CPLANE1: variants seen among roughly 807,000 people sequenced by gnomAD.
The protein encoded by CPLANE1 is ciliogenesis and planar polarity effector complex subunit 1.
CPLANE1 carries 263 observed loss-of-function variants against 362.5 expected under a neutral mutation model. The ratio of observed to expected loss-of-function variants is 0.73; its 90% CI spans 0.66 to 0.80. The LOEUF is 0.80. Ranked by LOEUF, CPLANE1 falls within the 30% of genes least tolerant of loss-of-function variation. The pLI, the probability that CPLANE1 is intolerant of heterozygous loss-of-function variation, is 0.00. For missense variants in CPLANE1, 3,461 were observed against 3,793.4 expected, an observed-to-expected ratio of 0.91 and a Z score of 2.30; for synonymous variants, 1,212 against 1,302.6, an observed-to-expected ratio of 0.93 and a Z score of 1.50.
intron 46 of CPLANE1, among the ~76,000 whole-genome samples, chr5:37,129,922 T>C (rs1447501759): frequency 1.3e-5 from 2 of 152,204 alleles, no homozygotes; most frequent in African/African-American, 4.8e-5. Context: ...GAAGTCATTA[T>C]ATGAAAAAGA....
At chr5:37,239,061 C>T (rs1799690199) in intron 7 of CPLANE1, 101 bp from the exon 8 acceptor site, 1 of 552,212 alleles carries the variant, frequency 1.8e-6, no homozygotes, top group South Asian at 4.3e-5. Context: ...TATTAATAAA[C>T]TATCTAGGGA....
At position 37,162,769 on chromosome 5, in the gene CPLANE1, TC is replaced by T. The variant is rs1294132678; in HGVS notation, c.7589-204del. On this transcript the variant is annotated intron_variant, in intron 37 of 52. Transcript: ENST00000651892. ...ATCTCGGCTTACTGCAACTTCCCCC[TC>T]CCGGGTTCAAGTGATTCTCCTGCCT... The T allele has an allele frequency of 8.3e-6, 3 of 359,328 alleles. No individual in the cohort carries two copies. In the Admixed American group the frequency reaches 1.3e-4, roughly 15 times the overall value. 22.3% of individuals were successfully genotyped at this position (359,328 alleles called of 1,614,324 possible). A position where few individuals can be genotyped will look rare whatever the true frequency, so the allele number is the denominator to read the frequency against.
chr5:37,215,628 C>A (rs1470506634), intron 15 of CPLANE1, among the ~76,000 whole-genome samples: 1 of 150,812 alleles, frequency 6.6e-6, no homozygotes, highest in Non-Finnish European at 1.5e-5. Flanking sequence ...GAACTGTTCA[C>A]AACTTTAAGT....
intron 42 of CPLANE1, 24 bp from the exon 43 acceptor site, chr5:37,148,292 A>T: frequency 6.9e-7 from 1 of 1,455,884 alleles, no homozygotes; most frequent in African/African-American, 1.4e-5. Flanking sequence ...ACACACAACA[A>T]AACAACAGTA....
chr5:37,214,163 A>C (rs1437033841), intron 15 of CPLANE1, among the ~76,000 whole-genome samples: 1 of 152,210 alleles, frequency 6.6e-6, no homozygotes, highest in Non-Finnish European at 1.5e-5. Context: ...AACTATAAAA[A>C]GTTAAAATTT....
At chr5:37,235,813 G>A (rs542437052) in intron 8 of CPLANE1, among the ~76,000 whole-genome samples, 32 of 148,980 alleles carry the variant, frequency 2.1e-4, no homozygotes, top group Non-Finnish European at 2.4e-4. Context: ...CTCGTGATCC[G>A]CCCACCTTGG....
chr5:37,086,144 T>C, the CPLANE1 span, among the ~76,000 whole-genome samples: 2 of 152,152 alleles, frequency 1.3e-5, no homozygotes, highest in African/African-American at 4.8e-5. Flanking sequence ...AGACAGGTCA[T>C]CAAGACAGTT....
At chr5:37,187,080 A>C (rs1006387794) in intron 23 of CPLANE1, among the ~76,000 whole-genome samples, 2 of 150,030 alleles carry the variant, frequency 1.3e-5, no homozygotes, top group Non-Finnish European at 3.0e-5. Context: ...AAAAAAAAAA[A>C]AAAAAAACTA....
chr5:37,222,894 T>C (rs1478310914), intron 14 of CPLANE1, among the ~76,000 whole-genome samples: 2 of 152,214 alleles, frequency 1.3e-5, no homozygotes, highest in East Asian at 1.9e-4. Flanking sequence ...CACGCCCCTA[T>C]GTCATAGTCC....
intron 7 of CPLANE1, among the ~76,000 whole-genome samples, chr5:37,239,439 C>T (rs961422178): frequency 2.6e-5 from 4 of 151,750 alleles, no homozygotes; most frequent in African/African-American, 9.7e-5. Flanking sequence ...AAAAATTAGC[C>T]AGGCACGGTG....
intron 51 of CPLANE1, among the ~76,000 whole-genome samples, chr5:37,111,975 T>C (rs57402531): frequency 0.016 from 2,352 of 150,378 alleles, 48 homozygotes; most frequent in African/African-American, 0.047. Context: ...ACCACAAGAG[T>C]AGGCTTCCAC....
chr5:37,103,985 T>C (rs888975018), downstream of CPLANE1, among the ~76,000 whole-genome samples: 4 of 152,328 alleles, frequency 2.6e-5, no homozygotes, highest in Middle Eastern at 3.4e-3. Flanking sequence ...GTTCTCCCCA[T>C]CTCTTTCAGG....
chr5:37,165,484 A>G (rs2150866780), intron 36 of CPLANE1, 55 bp downstream of exon 36: 1 of 1,570,456 alleles, frequency 6.4e-7, no homozygotes, highest in South Asian at 1.1e-5. Context: ...ACAAAGACAT[A>G]CCAAACTCAG....
Position 37,121,751 on chromosome 5 carries a change from G to C in CPLANE1, c.9051C>G (p.Ile3017Met). Reference protein sequence around the residue: ...LLLSEHYSRRISQAYGLMNEL... With the variant: ...LLLSEHYSRRMSQAYGLMNEL... ...CATTCATCAGACCGTACGCTTGTGA[G>C]ATTCGACGACTATAGTGTTCAGAGA... The change falls in exon 49 of 53, where the codon ATC becomes ATG. Residue 3017 changes from isoleucine to methionine, a missense_variant. By Grantham distance (10) the Ile-to-Met change is conservative (BLOSUM62 1). Around this residue, in one of 2 missense-constraint regions of CPLANE1, gnomAD observed 3,380 missense variants for 3,666.1 expected, o/e 0.92. Transcript: ENST00000651892. The C allele has an allele frequency of 1.2e-6, 2 of 1,614,038 alleles. No individual in the cohort carries two copies. Among genetic ancestry groups the C allele is most frequent in the Non-Finnish European group, 1.7e-6 (2 of 1,179,892 alleles).
Position 37,162,551 on chromosome 5 carries a change from TC to T in CPLANE1, c.7603del (p.Asp2535IlefsTer13). The stretch of plus-strand genomic sequence containing the variant: ...GAAATGCAATCCAGCTGAAGTATTA[TC>T]ATCTTGTAGCATTTCTTAAATATAA... ...FDVPFEMLQD[D>X]NTSAGLHFMA... On this transcript the variant is annotated frameshift_variant, in exon 38 of 53. Coordinates refer to ENST00000651892, the MANE Select transcript of CPLANE1 (RefSeq NM_001384732.1). LOFTEE classifies it high-confidence loss of function. The T allele has an allele frequency of 6.2e-7, 1 of 1,609,448 alleles. No individual in the cohort carries two copies. Among genetic ancestry groups the T allele is most frequent in the Non-Finnish European group, 8.5e-7 (1 of 1,176,348 alleles).
At chr5:37,211,763 GA>G in intron 16 of CPLANE1, 1 of 787,162 alleles carries the variant, frequency 1.3e-6, no homozygotes, top group Non-Finnish European at 2.4e-6. Flanking sequence ...GTCTTTACTG[GA>G]GACAAAATGA....
intron 51 of CPLANE1, among the ~76,000 whole-genome samples, chr5:37,113,899 G>A (rs867356516): frequency 4.6e-5 from 7 of 152,132 alleles, no homozygotes; most frequent in Middle Eastern, 3.4e-3. Context: ...TGCAACCTCC[G>A]CCTGCTGGGT....
intron 34 of CPLANE1, among the ~76,000 whole-genome samples, chr5:37,167,422 GT>G (rs774924375): frequency 4.6e-5 from 7 of 152,164 alleles, no homozygotes; most frequent in Non-Finnish European, 7.3e-5. Flanking sequence ...TTTCAAATGG[GT>G]CATCCTATTT....
intron 21 of CPLANE1, among the ~76,000 whole-genome samples, chr5:37,195,063 G>A (rs1042841740): frequency 6.6e-6 from 1 of 151,324 alleles, no homozygotes; most frequent in African/African-American, 2.4e-5. Flanking sequence ...GCTGAGGCAG[G>A]AGAATATCGG....
Sources: gnomAD v4.1 joint callset for allele counts (sites outside exome capture counted in the v4.1 genomes callset) on GRCh38, gnomAD v4.1.1 for gene constraint, gnomAD v4.1.1 regional missense constraint, MANE v1.5 for transcripts, NCBI Gene and HGNC (gene_info 2026-07-23, HGNC 2026-07-21) for gene names.